The following MNAT1 variants were observed in gnomAD, a reference collection of about 807,000 sequenced individuals.
The protein encoded by MNAT1 is MNAT1 component of CDK activating kinase.
Under a neutral mutation model 42.0 loss-of-function variants are expected in MNAT1, and 43 were observed. That is an observed-to-expected ratio of 1.02 (90% CI 0.80 to 1.32). The LOEUF is 1.32. MNAT1 is among the 40% of genes most tolerant of loss of function. MNAT1 has a pLI of 0.00. For missense variants in MNAT1, 306 were observed against 350.4 expected, an observed-to-expected ratio of 0.87 and a Z score of 1.01; for synonymous variants, 118 against 120.0, an observed-to-expected ratio of 0.98 and a Z score of 0.11.
intron 1 of MNAT1, among the ~76,000 whole-genome samples, chr14:60,787,762 GCCCAAACT>G (rs985652501): frequency 3.9e-5 from 6 of 152,078 alleles, no homozygotes; most frequent in Non-Finnish European, 5.9e-5. Flanking sequence ...TCCCTAAGAA[GCCCAAACT>G]CCTCATTTGT....
At chr14:60,756,722 C>T (rs555786812) in intron 1 of MNAT1, among the ~76,000 whole-genome samples, 1 of 152,218 alleles carries the variant, frequency 6.6e-6, no homozygotes, top group Non-Finnish European at 1.5e-5. Flanking sequence ...TACCTGTGGC[C>T]TAAAGCTGTG....
intron 1 of MNAT1, among the ~76,000 whole-genome samples, chr14:60,786,155 G>T (rs559961543): frequency 1.3e-5 from 2 of 152,106 alleles, no homozygotes; most frequent in South Asian, 4.1e-4. Context: ...AAAAAATTGT[G>T]AAATTCAAGT....
At chr14:60,807,058 T>C (rs2032393167) in intron 3 of MNAT1, among the ~76,000 whole-genome samples, 1 of 152,192 alleles carries the variant, frequency 6.6e-6, no homozygotes, top group African/African-American at 2.4e-5. Flanking sequence ...TTGCTTCTCA[T>C]TTTCTCTCAA....
intron 7 of MNAT1, among the ~76,000 whole-genome samples, chr14:60,967,438 A>C (rs2036702106): frequency 6.6e-6 from 1 of 152,176 alleles, no homozygotes; most frequent in Admixed American, 6.5e-5. Context: ...GAAAGCTGGA[A>C]TTATTTGTTT....
At chr14:60,946,576 G>A (rs2036280857) in intron 7 of MNAT1, among the ~76,000 whole-genome samples, 2 of 151,048 alleles carry the variant, frequency 1.3e-5, no homozygotes, top group South Asian at 4.2e-4. Context: ...CTTTTGGCCA[G>A]TTCTTCTTCC....
intron 6 of MNAT1, among the ~76,000 whole-genome samples, chr14:60,878,963 G>A (rs2034490939): frequency 6.6e-6 from 1 of 152,082 alleles, no homozygotes; most frequent in Non-Finnish European, 1.5e-5. Flanking sequence ...AGCTGAACCA[G>A]CTGAGATGTC....
chr14:60,892,027 A>G (rs1594841015), intron 7 of MNAT1, among the ~76,000 whole-genome samples: 2 of 152,266 alleles, frequency 1.3e-5, no homozygotes, highest in East Asian at 1.9e-4. Flanking sequence ...TATGATACCA[A>G]TTTTTTAAAA....
intron 1 of MNAT1, among the ~76,000 whole-genome samples, chr14:60,786,885 C>A (rs1454727063): frequency 1.3e-5 from 2 of 152,174 alleles, no homozygotes; most frequent in Non-Finnish European, 2.9e-5. Context: ...TGTTTTTGGA[C>A]ATACTTAGTT....
At chr14:60,859,043 G>A (rs981277055) in intron 6 of MNAT1, among the ~76,000 whole-genome samples, 1 of 152,182 alleles carries the variant, frequency 6.6e-6, no homozygotes, top group African/African-American at 2.4e-5. Context: ...AAAGTCTTAA[G>A]GGACAAGGAA....
chr14:60,956,278 T>G (rs1404578581), intron 7 of MNAT1, among the ~76,000 whole-genome samples: 2 of 152,196 alleles, frequency 1.3e-5, no homozygotes, highest in African/African-American at 4.8e-5. Context: ...TGTTCATGAG[T>G]GTGTTGTTTA....
intron 1 of MNAT1, among the ~76,000 whole-genome samples, chr14:60,786,458 T>C (rs879638045): frequency 6.6e-6 from 1 of 152,158 alleles, no homozygotes; most frequent in African/African-American, 2.4e-5. Context: ...TTTTTGGTGT[T>C]AGTAACTTTT....
intron 7 of MNAT1, among the ~76,000 whole-genome samples, chr14:60,958,634 C>CTTTTTTTT (rs71114172): frequency 5.3e-5 from 5 of 93,882 alleles, no homozygotes; most frequent in Non-Finnish European, 5.7e-5. Flanking sequence ...GAGACAAGGT[C>CTTTTTTTT]TTTTTTTTTT....
chr14:60,807,272 G>C (rs1441324200), intron 3 of MNAT1, among the ~76,000 whole-genome samples: 2 of 152,178 alleles, frequency 1.3e-5, no homozygotes, highest in African/African-American at 2.4e-5. Flanking sequence ...AAGCAACTCT[G>C]TGTTGGTCCT....
intron 7 of MNAT1, among the ~76,000 whole-genome samples, chr14:60,926,456 A>G (rs1373267443): frequency 6.6e-6 from 1 of 152,206 alleles, no homozygotes; most frequent in Non-Finnish European, 1.5e-5. Context: ...ACCAAACCAG[A>G]TATAAATTGG....
At chr14:60,824,870 C>T (rs2033006387) in intron 6 of MNAT1, among the ~76,000 whole-genome samples, 1 of 152,102 alleles carries the variant, frequency 6.6e-6, no homozygotes, top group African/African-American at 2.4e-5. Context: ...GAACCAAATG[C>T]TGAATATTGT....
Position 60,969,629 on chromosome 14 carries a change from C to T in MNAT1, c.*1280C>T, listed in dbSNP as rs1031309239. 8 of 152,104 alleles carry T rather than the reference C, an allele frequency of 5.3e-5. No individual in the cohort carries two copies. Among genetic ancestry groups the T allele is most frequent in the Admixed American group, 2.0e-4 (3 of 15,282 alleles). The allele number at this position is 152,104 out of a possible 1,614,324, so 9.4% of individuals were successfully genotyped here. ...AAAGTCCAGTTCCATCTACATTCTA[C>T]CAGACTGCATATCCTATTCCTGTAT... is the stretch of plus-strand genomic sequence containing the variant. On this transcript the variant is annotated 3_prime_UTR_variant, in exon 8 of 8. Coordinates refer to ENST00000261245, the MANE Select transcript of MNAT1 (RefSeq NM_002431.4).
At chr14:60,753,304 G>GT (rs2030182422) in intron 1 of MNAT1, among the ~76,000 whole-genome samples, 1 of 152,132 alleles carries the variant, frequency 6.6e-6, no homozygotes, top group Non-Finnish European at 1.5e-5. Context: ...TGAGTTTGAA[G>GT]TGTGTGTCCA....
chr14:60,802,345 C>CA (rs1276327460), intron 3 of MNAT1, among the ~76,000 whole-genome samples: 3 of 151,322 alleles, frequency 2.0e-5, no homozygotes, highest in African/African-American at 7.3e-5. Context: ...GTCCTTGCTA[C>CA]AAAAAAATAA....
At chr14:60,953,619 A>G in intron 7 of MNAT1, among the ~76,000 whole-genome samples, 1 of 152,208 alleles carries the variant, frequency 6.6e-6, no homozygotes, top group East Asian at 1.9e-4. Flanking sequence ...GATGCTTTAC[A>G]TAAATTTTCA....
Sources: gnomAD v4.1 joint callset for allele counts (sites outside exome capture counted in the v4.1 genomes callset) on GRCh38, gnomAD v4.1.1 for gene constraint, MANE v1.5 for transcripts, NCBI Gene and HGNC (gene_info 2026-07-23, HGNC 2026-07-21) for gene names.